Variants in TTC34 observed in about 807,000 individuals in gnomAD.
TTC34 encodes the protein tetratricopeptide repeat protein 34.
Under a neutral mutation model 40.7 loss-of-function variants are expected in TTC34, and 44 were observed. That is an observed-to-expected ratio of 1.08 (90% confidence interval 0.85 to 1.39). The LOEUF (loss-of-function observed/expected upper bound fraction) is 1.39. Ranked by LOEUF, TTC34 falls within the 40% of genes most tolerant of loss-of-function variation. The probability of loss-of-function intolerance (pLI) is 0.00; values close to 1 mark genes in which losing one functional copy is unlikely to be tolerated. For missense variants in TTC34, 884 were observed against 838.0 expected (o/e 1.05, Z -0.68); for synonymous variants, 422 against 398.6 (o/e 1.06, Z -0.70).
intron 2 of TTC34, among the ~76,000 whole-genome samples, chr1:2,795,225 G>A (rs749169539): frequency 1.3e-5 from 2 of 152,118 alleles, no homozygotes; most frequent in Non-Finnish European, 2.9e-5. Context: ...CTCCAGCCTG[G>A]GAGACAGAGC....
At chr1:2,644,350 G>C in exon 8 of TTC34, 1 of 1,536,002 alleles carries the variant, frequency 6.5e-7, no homozygotes, top group Non-Finnish European at 8.7e-7. Context: ...AGGCTCTGCA[G>C]GTCCCTTGCA....
At chr1:2,643,175 T>C (rs557731453) in intron 8 of TTC34, among the ~76,000 whole-genome samples, 1 of 152,112 alleles carries the variant, frequency 6.6e-6, no homozygotes, top group Non-Finnish European at 1.5e-5. Context: ...CAGACTCCCC[T>C]GAGCCCGCGG....
intron 6 of TTC34, among the ~76,000 whole-genome samples, chr1:2,685,120 C>G (rs1640267790): frequency 6.8e-6 from 1 of 147,124 alleles, no homozygotes; most frequent in Non-Finnish European, 1.5e-5. Context: ...CACCCACACC[C>G]CCAGGCGAGC....
chr1:2,684,061 G>T (rs1250242794), intron 6 of TTC34, among the ~76,000 whole-genome samples: 2 of 152,256 alleles, frequency 1.3e-5, no homozygotes, highest in Non-Finnish European at 1.5e-5. Context: ...TGACAGCCTG[G>T]AACAGCACCC....
Position 2,752,235 on chromosome 1 carries a change from G to C in TTC34, c.2226+31374C>G, listed in dbSNP as rs1410676761. Among the ~76,000 whole-genome samples the C allele has an allele frequency of 2.7e-4, 27 of 100,984 alleles. 8 individuals are homozygous for C. The highest frequency in any genetic ancestry group is 7.2e-4 in the Admixed American group (7 of 9,698). The allele number at this position is 100,984 out of a possible 152,430, so 66.2% of individuals were successfully genotyped here. A position where few individuals can be genotyped will look rare whatever the true frequency, so the allele number is the denominator to read the frequency against. On this transcript the variant is annotated intron_variant, in intron 6 of 8. Transcript: ENST00000401095. ...CCCCAGGTGAGCATCTGACAGACTGGAACAGCTCCCAAATGCCCAGCTGAG... is the reference window on the plus strand; with the variant it reads ...CCCCAGGTGAGCATCTGACAGACTGCAACAGCTCCCAAATGCCCAGCTGAG...
chr1:2,776,134 GTGTC>G (rs1373407376), intron 6 of TTC34: 1 of 137,010 alleles, frequency 7.3e-6, no homozygotes, highest in Non-Finnish European at 1.5e-5. Context: ...CCTCAGGTGA[GTGTC>G]TGACAGCCTG....
chr1:2,698,720 A>C, intron 6 of TTC34, among the ~76,000 whole-genome samples: 1 of 130,194 alleles, frequency 7.7e-6, no homozygotes, highest in Admixed American at 7.7e-5. Flanking sequence ...CTGGAGCAGC[A>C]CCAACAACCC....
chr1:2,688,281 A>G (rs1640463218), intron 6 of TTC34, among the ~76,000 whole-genome samples: 1 of 122,464 alleles, frequency 8.2e-6, no homozygotes, highest in Non-Finnish European at 1.6e-5. Context: ...CTGGATCAGC[A>G]CCCACACTCC....
At chr1:2,653,868 T>C (rs1455263522) in intron 6 of TTC34, among the ~76,000 whole-genome samples, 905 of 8,030 alleles carry the variant, frequency 0.11, 1 homozygote, top group Non-Finnish European at 0.15. Context: ...GAGCATCTGA[T>C]GGTCTGGAGC....
At chr1:2,675,053 A>T (rs1216360903) in intron 6 of TTC34, among the ~76,000 whole-genome samples, 2 of 132,454 alleles carry the variant, frequency 1.5e-5, no homozygotes, top group African/African-American at 5.5e-5. Context: ...ACAGGTGAGC[A>T]TCGGAGAGTC....
chr1:2,781,040 T>C (rs1643475059), intron 6 of TTC34, among the ~76,000 whole-genome samples: 1 of 152,260 alleles, frequency 6.6e-6, no homozygotes, highest in Non-Finnish European at 1.5e-5. Context: ...CAGTTGACTC[T>C]TGAACACAGG....
chr1:2,694,191 C>CAGGGGAGCATCTGACAACCTGGAG (rs1640756560), intron 6 of TTC34, among the ~76,000 whole-genome samples: 3 of 142,184 alleles, frequency 2.1e-5, no homozygotes, highest in Non-Finnish European at 4.7e-5. Context: ...ACCCACACCC[C>CAGGGGAGCATCTGACAACCTGGAG]CAGGTGAGCA....
At chr1:2,785,745 G>C in intron 5 of TTC34, 74 bp downstream of exon 5, 2 of 1,460,086 alleles carry the variant, frequency 1.4e-6, no homozygotes, top group Non-Finnish European at 1.8e-6. Context: ...CCACCAACCA[G>C]CATGGCAGAG....
intron 6 of TTC34, among the ~76,000 whole-genome samples, chr1:2,783,069 A>G (rs1243644487): frequency 3.9e-5 from 6 of 152,234 alleles, no homozygotes; most frequent in African/African-American, 1.4e-4. Context: ...AAATTGGAGC[A>G]GTTCCTGCAG....
chr1:2,682,103 A>G (rs1225439904), intron 6 of TTC34, among the ~76,000 whole-genome samples: 2 of 136,722 alleles, frequency 1.5e-5, no homozygotes, highest in Admixed American at 7.2e-5. Context: ...AGCAGCACCC[A>G]CACCCCCAGG....
intron 6 of TTC34, among the ~76,000 whole-genome samples, chr1:2,666,170 CCA>C (rs1639646731): frequency 2.8e-4 from 7 of 24,720 alleles, no homozygotes; most frequent in African/African-American, 8.5e-4. Flanking sequence ...GCACCCACAC[CCA>C]CAGGTGAGCA....
intron 6 of TTC34, among the ~76,000 whole-genome samples, chr1:2,650,011 C>G (rs1421897607): frequency 6.6e-6 from 1 of 151,140 alleles, no homozygotes; most frequent in Non-Finnish European, 1.5e-5. Context: ...CACTCTGCAT[C>G]CCCAGGTGAG....
chr1:2,677,933 C>T (rs1239204557), intron 6 of TTC34, among the ~76,000 whole-genome samples: 1 of 35,566 alleles, frequency 2.8e-5, no homozygotes, highest in Non-Finnish European at 4.9e-5. Flanking sequence ...CACCCTGCAC[C>T]CCCAGGTGAG....
At chr1:2,684,877 C>A (rs564774533) in intron 6 of TTC34, among the ~76,000 whole-genome samples, 2 of 112,592 alleles carry the variant, frequency 1.8e-5, no homozygotes, top group Non-Finnish European at 3.5e-5. Context: ...AGCACCCACA[C>A]CCCAGGTGAG....
Sources: gnomAD v4.1 joint callset for allele counts (sites outside exome capture counted in the v4.1 genomes callset) on GRCh38, gnomAD v4.1.1 for gene constraint, MANE v1.5 for transcripts, NCBI Gene and HGNC (gene_info 2026-07-23, HGNC 2026-07-21) for gene names.